MRPL48: variants seen among roughly 807,000 people sequenced by gnomAD.
MRPL48 encodes the protein mitochondrial ribosomal protein L48.
A neutral mutation model predicts 32.9 loss-of-function variants in MRPL48; 16 were observed. The observed-to-expected ratio is 0.49, with a 90% CI of 0.33 to 0.74. The LOEUF is 0.74. Among genes scored for constraint, MRPL48 ranks in the 30% least tolerant of loss-of-function variants. MRPL48 has a pLI of 0.02. For missense variants in MRPL48, 206 were observed against 245.3 expected (o/e 0.84, Z 1.07); for synonymous variants, 94 against 89.2 (o/e 1.05, Z -0.31).
At chr11:73,844,205 G>A (rs1392196346) in intron 4 of MRPL48, among the ~76,000 whole-genome samples, 1 of 152,062 alleles carries the variant, frequency 6.6e-6, no homozygotes, top group East Asian at 1.9e-4. Context: ...CGAGGCGGGT[G>A]GATTGCCTGA....
chr11:73,794,527 C>T (rs142742546), intron 1 of MRPL48, among the ~76,000 whole-genome samples: 3,519 of 151,148 alleles, frequency 0.023, 144 homozygotes, highest in African/African-American at 0.082. Flanking sequence ...TGCACTCCAG[C>T]CTGGGCAACA....
rs533384255 is a variant in MRPL48, at chr11:73,805,338, C to T, written c.74+259C>T. On this transcript the variant is annotated intron_variant, in intron 2 of 7. Transcript: ENST00000310614. ...TTGAGATGGAGTTTCACTCTGTCAC[C>T]CAGGCTGGAGTGCAGTGGCGTGATC... Among the ~76,000 whole-genome samples, 3 of 151,284 alleles carry T rather than the reference C, an allele frequency of 2.0e-5. No homozygotes were observed. The East Asian group carries it at 5.8e-4, about 29-fold the overall frequency.
intron 5 of MRPL48, among the ~76,000 whole-genome samples, chr11:73,853,967 G>C (rs888061485): frequency 1.8e-4 from 28 of 152,176 alleles, no homozygotes; most frequent in African/African-American, 6.7e-4. Flanking sequence ...TGGGATTACA[G>C]GCGTGAGCCA....
intron 4 of MRPL48, among the ~76,000 whole-genome samples, chr11:73,829,445 C>T (rs868036042): frequency 1.4e-4 from 22 of 152,096 alleles, no homozygotes; most frequent in Admixed American, 5.2e-4. Context: ...TGGCCCACTG[C>T]CCCTTGAATA....
chr11:73,836,327 A>T (rs1948102322), intron 4 of MRPL48, among the ~76,000 whole-genome samples: 1 of 151,876 alleles, frequency 6.6e-6, no homozygotes, highest in South Asian at 2.1e-4. Flanking sequence ...TCCCAAGTAG[A>T]TGGGATTACA....
At chr11:73,836,438 A>G (rs572280580) in intron 4 of MRPL48, among the ~76,000 whole-genome samples, 1 of 152,074 alleles carries the variant, frequency 6.6e-6, no homozygotes, top group South Asian at 2.1e-4. Flanking sequence ...ACCTCAGGTG[A>G]TCCTCCCACC....
intron 1 of MRPL48, among the ~76,000 whole-genome samples, chr11:73,797,912 C>T (rs1947288120): frequency 6.6e-6 from 1 of 152,134 alleles, no homozygotes; most frequent in African/African-American, 2.4e-5. Context: ...AAGGACTGTA[C>T]AGCTAGTAAA....
chr11:73,795,963 G>C (rs2134936826), intron 1 of MRPL48, among the ~76,000 whole-genome samples: 1 of 152,230 alleles, frequency 6.6e-6, no homozygotes, highest in African/African-American at 2.4e-5. Context: ...CCAGCCCTTA[G>C]CACCCACTAA....
chr11:73,821,436 ATAAT>A, intron 3 of MRPL48, among the ~76,000 whole-genome samples: 1 of 152,176 alleles, frequency 6.6e-6, no homozygotes. Context: ...TTAGTACTCA[ATAAT>A]TAAGCCCTTC....
At chr11:73,832,771 T>C (rs1948019282) in intron 4 of MRPL48, 1 of 152,198 alleles carries the variant, frequency 6.6e-6, no homozygotes, top group Non-Finnish European at 1.5e-5. Context: ...TAGGACTGGC[T>C]TAGGGAGAGT....
rs1165803050 is a variant in MRPL48, at chr11:73,864,881, T to C, written c.*511T>C. On this transcript the variant is annotated 3_prime_UTR_variant, in exon 8 of 8. Transcript: ENST00000310614. The stretch of plus-strand genomic sequence containing the variant: ...ATCTAGACTCACTGCAAGCTCTGCC[T>C]CCCGGGTTCACACCATTCTCCTGCC... 6.5e-6 allele frequency: 1 copy of C among 153,458 alleles called. No individual in the cohort carries two copies. Among genetic ancestry groups the C allele is most frequent in the Non-Finnish European group, 1.5e-5 (1 of 68,962 alleles). The allele number at this position is 153,458 out of a possible 1,614,324, so 9.5% of individuals were successfully genotyped here. A position where few individuals can be genotyped will look rare whatever the true frequency, so the allele number is the denominator to read the frequency against.
chr11:73,788,532 G>A (rs1445385574), intron 1 of MRPL48, among the ~76,000 whole-genome samples: 1 of 141,536 alleles, frequency 7.1e-6, no homozygotes, highest in Non-Finnish European at 1.5e-5. Context: ...GGAGTGCAGT[G>A]GTGCGATCCC....
At chr11:73,796,223 G>A (rs1229607048) in intron 1 of MRPL48, among the ~76,000 whole-genome samples, 2 of 152,196 alleles carry the variant, frequency 1.3e-5, no homozygotes, top group Non-Finnish European at 2.9e-5. Context: ...AGTTACGGCC[G>A]CCCAAACTGT....
At chr11:73,794,212 C>CTATT (rs1947205902) in intron 1 of MRPL48, among the ~76,000 whole-genome samples, 1 of 150,346 alleles carries the variant, frequency 6.7e-6, no homozygotes, top group South Asian at 2.1e-4. Context: ...ATCTATCTAT[C>CTATT]TATCTATCTA....
At chr11:73,851,864 C>T (rs183279086) in intron 5 of MRPL48, among the ~76,000 whole-genome samples, 29 of 152,076 alleles carry the variant, frequency 1.9e-4, no homozygotes, top group Non-Finnish European at 3.8e-4. Context: ...GTGGTGAGCA[C>T]TGCATTAGAC....
intron 4 of MRPL48, among the ~76,000 whole-genome samples, chr11:73,839,342 T>A (rs1478645839): frequency 6.6e-6 from 1 of 152,146 alleles, no homozygotes; most frequent in Non-Finnish European, 1.5e-5. Context: ...TTAAGACATA[T>A]CAGTAGGGAT....
At chr11:73,843,221 C>CTTTTTTTTTTTTTTTT (rs543502031) in intron 4 of MRPL48, 2 of 136,932 alleles carry the variant, frequency 1.5e-5, no homozygotes, top group Non-Finnish European at 1.6e-5. Context: ...TTTGTTTTAA[C>CTTTTTTTTTTTTTTTT]TTTTTTTTTT....
At chr11:73,840,879 G>A (rs928136485) in intron 4 of MRPL48, among the ~76,000 whole-genome samples, 6 of 152,112 alleles carry the variant, frequency 3.9e-5, no homozygotes, top group Non-Finnish European at 8.8e-5. Flanking sequence ...GATATTTGCA[G>A]CATGTACAAA....
chr11:73,829,657 C>T (rs1814444341), intron 4 of MRPL48, among the ~76,000 whole-genome samples: 1 of 152,242 alleles, frequency 6.6e-6, no homozygotes, highest in African/African-American at 2.4e-5. Flanking sequence ...GTGGGAACCA[C>T]CATGCCCAGC....
Sources: gnomAD v4.1 joint callset for allele counts (sites outside exome capture counted in the v4.1 genomes callset) on GRCh38, gnomAD v4.1.1 for gene constraint, MANE v1.5 for transcripts, NCBI Gene and HGNC (gene_info 2026-07-23, HGNC 2026-07-21) for gene names.